The following ABHD18 variants were observed in gnomAD, a reference collection of about 807,000 sequenced individuals.
ABHD18 encodes cardiolipin-specific deacylase, mitochondrial.
A neutral mutation model predicts 65.9 loss-of-function variants in ABHD18; 55 were observed. The observed-to-expected ratio is 0.84, with a 90% confidence interval of 0.67 to 1.05. The LOEUF (loss-of-function observed/expected upper bound fraction) is 1.05, where lower values mean the gene tolerates loss of function less well. ABHD18 is among the 50% of genes least tolerant of loss of function. The pLI is 0.00. For missense variants in ABHD18, 533 were observed against 558.5 expected, an observed-to-expected ratio of 0.95 and a Z score of 0.46; for synonymous variants, 181 against 180.2, an observed-to-expected ratio of 1.00 and a Z score of -0.04.
At chr4:128,013,290 A>G (rs1754888009) in intron 7 of ABHD18, among the ~76,000 whole-genome samples, 2 of 152,178 alleles carry the variant, frequency 1.3e-5, no homozygotes, top group Non-Finnish European at 2.9e-5. Context: ...AGGAAAGAGT[A>G]GTGACTTTAG....
intron 8 of ABHD18, 81 bp downstream of exon 8, chr4:128,017,582 C>G (rs977943861): frequency 1.1e-5 from 14 of 1,279,048 alleles, no homozygotes; most frequent in Non-Finnish European, 1.5e-5. Context: ...TAAAAATTCA[C>G]TTTAGGTATA....
At chr4:128,020,300 T>C in intron 9 of ABHD18, 131 bp downstream of exon 9, 1 of 660,406 alleles carries the variant, frequency 1.5e-6, no homozygotes, top group East Asian at 2.8e-5. Flanking sequence ...ATAGTCGTAA[T>C]CATGATTAAG....
At chr4:127,989,463 T>A (rs1353970859) in intron 3 of ABHD18, among the ~76,000 whole-genome samples, 1 of 152,128 alleles carries the variant, frequency 6.6e-6, no homozygotes. Flanking sequence ...ATGCTTCAGG[T>A]GATGGATACC....
chr4:127,996,800 G>T (rs1751811062), intron 4 of ABHD18, among the ~76,000 whole-genome samples: 1 of 152,190 alleles, frequency 6.6e-6, no homozygotes, highest in African/African-American at 2.4e-5. Flanking sequence ...CCTGGGAAAA[G>T]AATTCAGCGA....
chr4:128,021,178 G>A lies in ABHD18; in HGVS notation c.741G>A (p.Lys247=), dbSNP rs984932306. The A allele has an allele frequency of 1.9e-5, 30 of 1,548,844 alleles. No individual in the cohort carries two copies. In the African/African-American group the frequency reaches 3.8e-4, roughly 20 times the overall value. The change falls in exon 10 of 13, where the codon AAG becomes AAA. Residue 247 remains lysine (K), a synonymous_variant. Transcript: ENST00000645843. ...CAATTAATTGGAGGGAGCTGGAAAA[G>A]CAATATTATACCCAGACAGTTTATG... ...SKSINWRELE[K]QYYTQTVYEE...
At chr4:127,988,402 T>C (rs1750357628) in intron 3 of ABHD18, among the ~76,000 whole-genome samples, 1 of 152,144 alleles carries the variant, frequency 6.6e-6, no homozygotes, top group South Asian at 2.1e-4. Context: ...AGCTAATTTT[T>C]GTATTTTTTG....
At position 128,008,957 on chromosome 4, in the gene ABHD18, T is replaced by A; in HGVS notation, c.316T>A (p.Tyr106Asn). The A allele has an allele frequency of 6.2e-7, 1 of 1,611,230 alleles. No individual in the cohort carries two copies. Among genetic ancestry groups the A allele is most frequent in the Non-Finnish European group, 8.5e-7 (1 of 1,179,026 alleles). ...TGTGCCTAAAGAATGGAACAGCAAATATAGACCTGTATGCATTCATCTTGC... is the reference window on the plus strand; with the variant it reads ...TGTGCCTAAAGAATGGAACAGCAAAAATAGACCTGTATGCATTCATCTTGC... ...FIVPKEWNSKYRPVCIHLAGT... is the reference protein window; with the variant it reads ...FIVPKEWNSKNRPVCIHLAGT... The change falls in exon 5 of 13, where the codon TAT (tyrosine) becomes AAT (asparagine). Residue 106 changes from tyrosine to asparagine, a missense_variant. Around this residue, in one of 3 missense-constraint regions of ABHD18, gnomAD observed 309 missense variants for 313.5 expected, o/e 0.99. Coordinates refer to ENST00000645843, the MANE Select transcript of ABHD18 (RefSeq NM_001358451.3).
intron 1 of ABHD18, 140 bp from the exon 2 acceptor site, chr4:127,982,791 TCCCCCAAA>T: frequency 1.9e-6 from 1 of 528,130 alleles, no homozygotes; most frequent in Non-Finnish European, 3.3e-6. Flanking sequence ...CTCTTTTTTT[TCCCCCAAA>T]TCTTGTATTT....
At chr4:127,999,452 A>G (rs2149107770) in intron 4 of ABHD18, among the ~76,000 whole-genome samples, 1 of 152,306 alleles carries the variant, frequency 6.6e-6, no homozygotes, top group Non-Finnish European at 1.5e-5. Context: ...TAAAGCACTC[A>G]TTTAGATTGT....
chr4:127,966,884 CAA>C (rs1177943709), intron 1 of ABHD18, among the ~76,000 whole-genome samples: 10 of 82,554 alleles, frequency 1.2e-4, no homozygotes, highest in Admixed American at 2.6e-4. Context: ...GATTCTGTCT[CAA>C]AAAAAAAAAA....
chr4:128,028,894 G>GT, intron 11 of ABHD18, 41 bp downstream of exon 11: 1 of 1,402,584 alleles, frequency 7.1e-7, no homozygotes, highest in Non-Finnish European at 9.5e-7. Context: ...TTGCTGATGT[G>GT]TAAGTATTTG....
intron 7 of ABHD18, among the ~76,000 whole-genome samples, chr4:128,015,998 G>T (rs1258211447): frequency 2.0e-5 from 3 of 147,280 alleles, no homozygotes; most frequent in Non-Finnish European, 4.5e-5. Context: ...TGTCACCCAG[G>T]CTGGAGTGCA....
intron 1 of ABHD18, among the ~76,000 whole-genome samples, chr4:127,979,761 C>G (rs528203736): frequency 6.6e-6 from 1 of 151,800 alleles, no homozygotes; most frequent in Non-Finnish European, 1.5e-5. Flanking sequence ...ACTAAAAATA[C>G]AAAAATTAGC....
At position 128,008,904 on chromosome 4, in the gene ABHD18, A is replaced by T; in HGVS notation, c.279-16A>T. ...TAAAGAGAATTTTATTGATAAGTCTATGCTTTTAAAAATAGGTTCCAATTT... is the reference window on the plus strand; with the variant it reads ...TAAAGAGAATTTTATTGATAAGTCTTTGCTTTTAAAAATAGGTTCCAATTT... On this transcript the variant is annotated splice_polypyrimidine_tract_variant and intron_variant, in intron 4 of 12. Transcript: ENST00000645843. 1 of 1,580,456 alleles carries T rather than the reference A, an allele frequency of 6.3e-7. No individual in the cohort carries two copies.
intron 9 of ABHD18, 60 bp from the exon 10 acceptor site, chr4:128,021,077 A>C: frequency 9.5e-7 from 1 of 1,054,994 alleles, no homozygotes; most frequent in South Asian, 1.6e-5. Flanking sequence ...AATAATAATA[A>C]AAGTATTGGG....
chr4:128,018,996 AGAGT>A (rs1407766808), intron 8 of ABHD18, among the ~76,000 whole-genome samples: 1 of 149,940 alleles, frequency 6.7e-6, no homozygotes, highest in Admixed American at 6.7e-5. Flanking sequence ...CGTGAGCAAC[AGAGT>A]GAGACTACAT....
chr4:127,992,705 A>AT (rs965059889), intron 4 of ABHD18, among the ~76,000 whole-genome samples: 8 of 151,536 alleles, frequency 5.3e-5, no homozygotes, highest in African/African-American at 1.2e-4. Context: ...GACCTGGCTA[A>AT]TTTTTTTTAG....
rs1436314921 is a variant in ABHD18, at chr4:128,021,188, A to G, written c.751A>G (p.Thr251Ala). ...NWRELEKQYY[T>A]QTVYEEEIIH... ...GAGGGAGCTGGAAAAGCAATATTAT[A>G]CCCAGACAGTTTATGAAGAAGAAAT... Residue 251 changes from threonine to alanine, a missense_variant, in exon 10 of 13, where the codon ACC becomes GCC. Coordinates refer to ENST00000645843, the MANE Select transcript of ABHD18 (RefSeq NM_001358451.3). 5.2e-6 allele frequency: 8 copies of G among 1,548,922 alleles called. No individual in the cohort carries two copies. Among genetic ancestry groups the G allele is most frequent in the Non-Finnish European group, 8.7e-7 (1 of 1,145,646 alleles).
chr4:128,023,841 G>A (rs190455752), intron 10 of ABHD18, among the ~76,000 whole-genome samples: 19 of 152,284 alleles, frequency 1.2e-4, no homozygotes, highest in East Asian at 7.7e-4. Flanking sequence ...CCAAGATCAC[G>A]CCACTGCACG....
Sources: allele counts gnomAD v4.1 joint callset (sites outside exome capture counted in the v4.1 genomes callset), GRCh38; gene constraint gnomAD v4.1.1; regional missense constraint gnomAD v4.1.1; transcripts MANE v1.5; gene names NCBI Gene and HGNC (gene_info 2026-07-23, HGNC 2026-07-21).